Variants in AHCYL2 observed in about 807,000 individuals in gnomAD.
AHCYL2 encodes adenosylhomocysteinase like 2, also known as S-adenosylhomocysteine hydrolase-like protein 2.
In AHCYL2, 28 loss-of-function variants were observed where a neutral mutation model predicts 81.4. The ratio of observed to expected loss-of-function variants is 0.34; its 90% CI spans 0.25 to 0.47. The LOEUF is 0.47. Among genes scored for constraint, AHCYL2 ranks in the 20% least tolerant of loss-of-function variants. The pLI, the probability that AHCYL2 is intolerant of heterozygous loss-of-function variation, is 1.00. For missense variants in AHCYL2, 551 were observed against 785.1 expected (o/e 0.70, Z 3.56); for synonymous variants, 272 against 290.2 (o/e 0.94, Z 0.64).
intron 1 of AHCYL2, among the ~76,000 whole-genome samples, chr7:129,272,057 C>T (rs1796039850): frequency 6.6e-6 from 1 of 152,192 alleles, no homozygotes; most frequent in African/African-American, 2.4e-5. Flanking sequence ...AAAAGTTTTG[C>T]AGCTTCCATC....
At chr7:129,425,881 T>C (rs1308504655) in intron 15 of AHCYL2, among the ~76,000 whole-genome samples, 2 of 152,224 alleles carry the variant, frequency 1.3e-5, no homozygotes, top group African/African-American at 4.8e-5. Context: ...ATAATGAAGT[T>C]GGGAGACCAA....
At chr7:129,408,118 G>C (rs1052978263) in intron 10 of AHCYL2, among the ~76,000 whole-genome samples, 1 of 152,134 alleles carries the variant, frequency 6.6e-6, no homozygotes, top group Non-Finnish European at 1.5e-5. Flanking sequence ...GTAAGTATTT[G>C]GGTCTTACTC....
At chr7:129,239,131 A>G (rs1383008828) in intron 1 of AHCYL2, among the ~76,000 whole-genome samples, 3 of 152,198 alleles carry the variant, frequency 2.0e-5, no homozygotes, top group East Asian at 3.8e-4. Flanking sequence ...ATAACACTCA[A>G]GCTAATCTGA....
intron 1 of AHCYL2, among the ~76,000 whole-genome samples, chr7:129,274,991 C>T (rs1373498992): frequency 1.3e-5 from 2 of 152,106 alleles, no homozygotes; most frequent in African/African-American, 4.8e-5. Context: ...TCTGCTGTGC[C>T]CTGCCAGAAT....
chr7:129,302,262 G>A (rs1169496885), intron 1 of AHCYL2, among the ~76,000 whole-genome samples: 2 of 152,072 alleles, frequency 1.3e-5, no homozygotes, highest in African/African-American at 4.8e-5. Flanking sequence ...TAGGTTTTTG[G>A]TGGCGTCTTT....
rs1321359201 is a variant in AHCYL2 at position 129,388,547 on chromosome 7, G to C, written c.476-509G>C. Among the ~76,000 whole-genome samples, 4 of 152,186 alleles carry C rather than the reference G, an allele frequency of 2.6e-5. No homozygotes were observed. The East Asian group carries it at 7.7e-4, about 29-fold the overall frequency. On this transcript the variant is annotated intron_variant, in intron 2 of 16. Transcript: ENST00000325006. The stretch of plus-strand genomic sequence containing the variant: ...GCAGGCACAATTCAGCCTCATCAGA[G>C]TCCGTCTTAAAAAAGAAAGCTCTGT...
At chr7:129,425,814 G>C (rs1437842135) in intron 15 of AHCYL2, among the ~76,000 whole-genome samples, 1 of 152,162 alleles carries the variant, frequency 6.6e-6, no homozygotes, top group East Asian at 1.9e-4. Context: ...TTTCCCTTTA[G>C]TAGACACTTT....
At chr7:129,278,663 T>C (rs1021516642) in intron 1 of AHCYL2, among the ~76,000 whole-genome samples, 1 of 152,160 alleles carries the variant, frequency 6.6e-6, no homozygotes, top group East Asian at 1.9e-4. Flanking sequence ...CTTTCTCTTA[T>C]GTTTTCTTCT....
At chr7:129,379,058 A>G (rs1486722811) in intron 1 of AHCYL2, among the ~76,000 whole-genome samples, 2 of 152,116 alleles carry the variant, frequency 1.3e-5, no homozygotes, top group Non-Finnish European at 2.9e-5. Context: ...AGGTGGGTGA[A>G]TCACTTGAGG....
At chr7:129,369,324 T>A (rs1382417404) in intron 1 of AHCYL2, among the ~76,000 whole-genome samples, 1 of 152,220 alleles carries the variant, frequency 6.6e-6, no homozygotes, top group East Asian at 1.9e-4. Flanking sequence ...TTCCCCACTA[T>A]GGAAAACTAG....
At chr7:129,252,028 A>T (rs1454929780) in intron 1 of AHCYL2, among the ~76,000 whole-genome samples, 1 of 152,132 alleles carries the variant, frequency 6.6e-6, no homozygotes, top group Non-Finnish European at 1.5e-5. Flanking sequence ...GCACAATTTA[A>T]TGCTGGCACA....
intron 1 of AHCYL2, among the ~76,000 whole-genome samples, chr7:129,253,915 T>A (rs1209320131): frequency 6.6e-6 from 1 of 152,254 alleles, no homozygotes; most frequent in Non-Finnish European, 1.5e-5. Context: ...TTTATAATTA[T>A]ATCTTTTCTG....
chr7:129,391,586 CA>C (rs530533392), intron 4 of AHCYL2, among the ~76,000 whole-genome samples: 5 of 152,264 alleles, frequency 3.3e-5, no homozygotes, highest in Admixed American at 2.6e-4. Context: ...ACCAGAGATG[CA>C]ATATATATGG....
chr7:129,400,492 C>T, intron 6 of AHCYL2, 108 bp downstream of exon 6: 1 of 993,902 alleles, frequency 1.0e-6, no homozygotes, highest in Non-Finnish European at 1.5e-6. Flanking sequence ...AAAATGGCTT[C>T]ATTTCTATCT....
At chr7:129,354,068 C>G (rs1294968829) in intron 1 of AHCYL2, among the ~76,000 whole-genome samples, 1 of 152,014 alleles carries the variant, frequency 6.6e-6, no homozygotes, top group South Asian at 2.1e-4. Flanking sequence ...ATTGGCAAGA[C>G]AAGACAGACC....
chr7:129,251,062 GA>G (rs1456026987), intron 1 of AHCYL2, among the ~76,000 whole-genome samples: 25 of 152,190 alleles, frequency 1.6e-4, no homozygotes, highest in African/African-American at 6.0e-4. Flanking sequence ...CTCTTAAAGT[GA>G]AATGTATGTT....
intron 1 of AHCYL2, among the ~76,000 whole-genome samples, chr7:129,329,337 T>C (rs71577870): frequency 0.1 from 15,493 of 152,082 alleles, 1,254 homozygotes; most frequent in African/African-American, 0.23. Context: ...AGTGCCACCA[T>C]GCCTGGCTAA....
intron 1 of AHCYL2, chr7:129,283,292 G>C: frequency 2.2e-6 from 1 of 452,078 alleles, no homozygotes. Flanking sequence ...GTAAGCAGAA[G>C]CATTCACAGA....
Position 129,406,562 on chromosome 7 carries a change from CCTCAGAG to C in AHCYL2, c.1295+97_1295+103del. On this transcript the variant is annotated intron_variant, in intron 10 of 16. Transcript: ENST00000325006. The surrounding 1 kb of genome is among the most constrained non-coding windows in gnomAD (Gnocchi z 4.3). ...CACTTTATTTTAGAGGAGCCCAGAT[CCTCAGAG>C]ATGCTGCCACTAACTCTAAGCATCT... The C allele has an allele frequency of 8.6e-7, 1 of 1,160,146 alleles. No individual in the cohort carries two copies. Among genetic ancestry groups the C allele is most frequent in the Middle Eastern group, 2.0e-4 (1 of 5,074 alleles). 71.9% of individuals were successfully genotyped at this position (1,160,146 alleles called of 1,614,324 possible).
Sources: gnomAD v4.1 joint callset for allele counts (sites outside exome capture counted in the v4.1 genomes callset) on GRCh38, gnomAD v4.1.1 for gene constraint, Gnocchi (gnomAD v3.1) non-coding constraint, MANE v1.5 for transcripts, NCBI Gene and HGNC (gene_info 2026-07-23, HGNC 2026-07-21) for gene names.